Variants in TRIM31 observed in about 807,000 individuals in gnomAD.
TRIM31 encodes tripartite motif containing 31.
In TRIM31, 31 loss-of-function variants were observed where a neutral mutation model predicts 40.6. The ratio of observed to expected loss-of-function variants is 0.76; its 90% CI spans 0.57 to 1.03. TRIM31 has a LOEUF of 1.03. TRIM31 is among the 50% of genes least tolerant of loss of function. The pLI is 0.00. For missense variants in TRIM31, 455 were observed against 497.5 expected (o/e 0.91, Z 0.81); for synonymous variants, 164 against 193.9 (o/e 0.85, Z 1.28).
In TRIM31 at chr6:30,110,469, C is replaced by A. The variant is rs745724542; in HGVS notation, c.723G>T (p.Met241Ile). 1 of 1,614,172 alleles carries A rather than the reference C, an allele frequency of 6.2e-7. No individual in the cohort carries two copies. Among genetic ancestry groups the A allele is most frequent in the Admixed American group, 1.7e-5 (1 of 60,032 alleles). Residue 241 changes from methionine to isoleucine, a missense_variant, in exon 4 of 9, where the codon ATG becomes ATT. Met to Ile is a conservative substitution (Grantham distance 10). Coordinates refer to ENST00000376734, the MANE Select transcript of TRIM31 (RefSeq NM_007028.5). The part of the protein sequence containing the change: ...LVDSLKTKQN[M>I]PPRQLLEDIK... ...TCACCTCCAGCAGCTGCCTGGGTGGCATGTTCTGCTTGGTCTTCAGGGAAT... is the reference window on the plus strand; with the variant it reads ...TCACCTCCAGCAGCTGCCTGGGTGGAATGTTCTGCTTGGTCTTCAGGGAAT...
At chr6:30,104,228 C>T in intron 7 of TRIM31, 61 bp from the exon 8 acceptor site, 1 of 1,514,278 alleles carries the variant, frequency 6.6e-7, no homozygotes, top group South Asian at 1.1e-5. Context: ...AAATTAAAAA[C>T]AAAAACAAGC....
chr6:30,112,043 G>T, intron 2 of TRIM31: 1 of 551,000 alleles, frequency 1.8e-6, no homozygotes, highest in Non-Finnish European at 3.2e-6. Flanking sequence ...AACTTTAAGA[G>T]AGTTGTTTTG....
Position 30,112,685 on chromosome 6 carries a change from T to C in TRIM31, c.121A>G (p.Thr41Ala). 6.2e-7 allele frequency: 1 copy of C among 1,613,066 alleles called. No homozygotes were observed. The highest frequency in any genetic ancestry group is 8.5e-7 in the Non-Finnish European group (1 of 1,180,032). The change falls in exon 2 of 9, where the codon ACT (threonine) becomes GCT (alanine). Residue 41 changes from threonine to alanine, a missense_variant. By Grantham distance (58) the Thr-to-Ala change is moderately conservative. Transcript: ENST00000376734. ...CCACATGATGTTTCCCCAATCTGAG[T>C]GATGCATTTGAGGCAGAAATTGTGC... ...CGHNFCLKCI[T>A]QIGETSCGFF...
chr6:30,103,207 A>T lies in TRIM31; in HGVS notation c.*329T>A. The T allele has an allele frequency of 2.4e-6, 1 of 423,718 alleles. No homozygotes were observed. The highest frequency in any genetic ancestry group is 4.3e-6 in the Non-Finnish European group (1 of 232,710). 26.2% of individuals were successfully genotyped at this position (423,718 alleles called of 1,614,324 possible). A position where few individuals can be genotyped will look rare whatever the true frequency, so the allele number is the denominator to read the frequency against. The stretch of plus-strand genomic sequence containing the variant: ...TGGTGCCTTCGGTAAACAGCTGCTT[A>T]AAGAGTGCGGGGACTGCTGCAGGGA... On this transcript the variant is annotated 3_prime_UTR_variant, in exon 9 of 9. Transcript: ENST00000376734.
At position 30,113,058 on chromosome 6, in the gene TRIM31, T is replaced by C; in HGVS notation, c.-84+6A>G. ...TAAAGAGAGGAAAACAGATGGGCAGTCCTACCTTGCTACCTCTTGAGAACA... is the reference window on the plus strand; with the variant it reads ...TAAAGAGAGGAAAACAGATGGGCAGCCCTACCTTGCTACCTCTTGAGAACA... On this transcript the variant is annotated splice_donor_region_variant and intron_variant, in intron 1 of 8. Transcript: ENST00000376734. The C allele has an allele frequency of 2.1e-6, 1 of 478,662 alleles. No individual in the cohort carries two copies. Among genetic ancestry groups the C allele is most frequent in the Non-Finnish European group, 3.6e-6 (1 of 275,726 alleles). The allele number at this position is 478,662 out of a possible 1,614,324, so 29.7% of individuals were successfully genotyped here. A position where few individuals can be genotyped will look rare whatever the true frequency, so the allele number is the denominator to read the frequency against.
In TRIM31 at chr6:30,111,721, TG is replaced by T; in HGVS notation, c.439del (p.Gln147LysfsTer13). ...CTCCTTCTCCTTTTGCTGCAAGACT[TG>T]GATCTGCTCTTGAATCTGCCCCTGC... is the stretch of plus-strand genomic sequence containing the variant. ...NYQGQIQEQI[Q>X]VLQQKEKETV... is the part of the protein sequence containing the mutation. On this transcript the variant is annotated frameshift_variant, in exon 3 of 9. Coordinates refer to ENST00000376734, the MANE Select transcript of TRIM31 (RefSeq NM_007028.5). LOFTEE classifies it high-confidence loss of function. The T allele has an allele frequency of 6.2e-7, 1 of 1,614,238 alleles. No homozygotes were observed. Among genetic ancestry groups the T allele is most frequent in the East Asian group, 2.2e-5 (1 of 44,878 alleles).
At chr6:30,104,498 C>G (rs377343444) in intron 7 of TRIM31, among the ~76,000 whole-genome samples, 15 of 152,176 alleles carry the variant, frequency 9.9e-5, no homozygotes, top group African/African-American at 3.6e-4. Context: ...CTAAATCCTG[C>G]TCTCTGGCTT....
chr6:30,102,998 G>T lies in TRIM31; in HGVS notation c.*538C>A, dbSNP rs1037981395. 1.3e-5 allele frequency: 2 copies of T among 159,452 alleles called. No individual in the cohort carries two copies. The highest frequency in any genetic ancestry group is 1.2e-4 in the Admixed American group (2 of 16,718). 9.9% of individuals were successfully genotyped at this position (159,452 alleles called of 1,614,324 possible). Reference sequence around the variant, plus strand: ...AGTCTGCTAAATATTTCAGAATGGGGACCTCATTCTATCTACTGATTTATC... The same window carrying T: ...AGTCTGCTAAATATTTCAGAATGGGTACCTCATTCTATCTACTGATTTATC... On this transcript the variant is annotated 3_prime_UTR_variant, in exon 9 of 9. Transcript: ENST00000376734.
chr6:30,112,231 G>A, intron 2 of TRIM31, 158 bp downstream of exon 2: 5 of 722,448 alleles, frequency 6.9e-6, no homozygotes, highest in Non-Finnish European at 1.1e-5. Flanking sequence ...CCCAGACTCA[G>A]CTCTTTGAAC....
Position 30,111,667 on chromosome 6 carries a change from T to G in TRIM31, c.494A>C (p.His165Pro). The G allele has an allele frequency of 6.2e-7, 1 of 1,614,254 alleles. No individual in the cohort carries two copies. The highest frequency in any genetic ancestry group is 8.5e-7 in the Non-Finnish European group (1 of 1,180,034). The change falls in exon 3 of 9, where the codon CAC becomes CCC. Residue 165 changes from histidine (H) to proline (P), a missense_variant. His to Pro is a moderately conservative substitution (Grantham distance 77). Transcript: ENST00000376734. ...ETVQVKAQGV[H>P]RVDVFTDQVE... is the part of the protein sequence containing the mutation. Reference sequence around the variant, plus strand: ...TCTTACCGTGAAGACATCGACCCTGTGTACACCTTGTGCCTTCACTTGTAC... The same window carrying G: ...TCTTACCGTGAAGACATCGACCCTGGGTACACCTTGTGCCTTCACTTGTAC...
At chr6:30,106,302 G>T (rs914574097) in intron 6 of TRIM31, among the ~76,000 whole-genome samples, 1 of 152,192 alleles carries the variant, frequency 6.6e-6, no homozygotes, top group African/African-American at 2.4e-5. Flanking sequence ...CAGGGGAGAC[G>T]CGGGGGCCCT....
rs1235616142 is a variant in TRIM31 at position 30,110,657 on chromosome 6, G to T, written c.535C>A (p.Gln179Lys). 1 of 1,614,194 alleles carries T rather than the reference G, an allele frequency of 6.2e-7. No individual in the cohort carries two copies. Among genetic ancestry groups the T allele is most frequent in the Non-Finnish European group, 8.5e-7 (1 of 1,180,042 alleles). The change falls in exon 4 of 9, where the codon CAA becomes AAA. Residue 179 changes from glutamine to lysine, a missense_variant. Gln to Lys is a moderately conservative substitution (Grantham distance 53). Coordinates refer to ENST00000376734, the MANE Select transcript of TRIM31 (RefSeq NM_007028.5). ...VFTDQVEHEKQRILTEFELLH... is the reference protein window; with the variant it reads ...VFTDQVEHEKKRILTEFELLH... ...AGTTCAAATTCTGTGAGGATCCTTT[G>T]CTTCTCATGTTCTACCTGGTCCTAA...
Position 30,112,841 on chromosome 6 carries a change from G to A in TRIM31, c.-36C>T, listed in dbSNP as rs112342133. The stretch of plus-strand genomic sequence containing the variant: ...CAGGGCTGTTTCAAGACTGTAGGAA[G>A]CTGTGCCAAGTCTGTAGGAGCCCCG... On this transcript the variant is annotated 5_prime_UTR_variant, in exon 2 of 9. Transcript: ENST00000376734. The A allele has an allele frequency of 2.9e-3, 4,550 of 1,556,408 alleles. 48 individuals carry two copies. The African/African-American group carries it at 0.034, about 12-fold the overall frequency.
rs1480311773 is a variant in TRIM31, at chr6:30,103,452, G to A, written c.*84C>T. The stretch of plus-strand genomic sequence containing the variant: ...CCAATTCCACTAAGTCAAGAACCGT[G>A]GTCGGTCTCAGCCACTCACTCAGCG... On this transcript the variant is annotated 3_prime_UTR_variant, in exon 9 of 9. Transcript: ENST00000376734. The A allele has an allele frequency of 1.3e-6, 2 of 1,572,346 alleles. No individual in the cohort carries two copies. Among genetic ancestry groups the A allele is most frequent in the African/African-American group, 2.7e-5 (2 of 73,948 alleles).
At chr6:30,109,422 A>G (rs1582502432) in intron 4 of TRIM31, among the ~76,000 whole-genome samples, 1 of 152,328 alleles carries the variant, frequency 6.6e-6, no homozygotes, top group South Asian at 2.1e-4. Context: ...GTGGGAGAAT[A>G]GATGACTTGA....
chr6:30,109,160 C>T, intron 4 of TRIM31, 112 bp from the exon 5 acceptor site: 1 of 1,044,516 alleles, frequency 9.6e-7, no homozygotes, highest in East Asian at 2.4e-5. Context: ...GTAAGAACCC[C>T]TCCAAGTCTC....
chr6:30,106,385 C>T (rs1476840716), intron 6 of TRIM31, among the ~76,000 whole-genome samples: 2 of 152,252 alleles, frequency 1.3e-5, no homozygotes, highest in Admixed American at 6.5e-5. Context: ...GGGCCTTTAG[C>T]GGCTTCAGGG....
At position 30,105,154 on chromosome 6, in the gene TRIM31, C is replaced by T. The variant is rs944576516; in HGVS notation, c.958+14G>A. ...CCAAATGGCAGAAGCAACCAACCAT[C>T]ATTTCTCACTTACAGCTCTTCATGT... On this transcript the variant is annotated intron_variant, in intron 7 of 8. Transcript: ENST00000376734. 1 of 1,609,734 alleles carries T rather than the reference C, an allele frequency of 6.2e-7. No homozygotes were observed. Among genetic ancestry groups the T allele is most frequent in the Non-Finnish European group, 8.5e-7 (1 of 1,178,340 alleles).
intron 6 of TRIM31, chr6:30,105,500 A>G (rs1056006798): frequency 3.4e-6 from 1 of 291,494 alleles, no homozygotes; most frequent in African/African-American, 2.2e-5. Flanking sequence ...AGCCACTTAT[A>G]TATTTTTAAA....
Sources: allele counts gnomAD v4.1 joint callset (sites outside exome capture counted in the v4.1 genomes callset), GRCh38; gene constraint gnomAD v4.1.1; transcripts MANE v1.5; gene names NCBI Gene and HGNC (gene_info 2026-07-23, HGNC 2026-07-21).